The following INPP4A variants were observed in gnomAD, a reference collection of about 807,000 sequenced individuals.
INPP4A encodes inositol polyphosphate-4-phosphatase, type I, 107kD.
In INPP4A, 33 loss-of-function variants were observed where a neutral mutation model predicts 119.8. That is an observed-to-expected ratio of 0.28 (90% CI 0.21 to 0.37). The LOEUF (loss-of-function observed/expected upper bound fraction) is 0.37, where lower values mean the gene tolerates loss of function less well. INPP4A is among the 10% of genes least tolerant of loss of function. The pLI, the probability that INPP4A is intolerant of heterozygous loss-of-function variation, is 1.00. For missense variants in INPP4A, 956 were observed against 1,289.9 expected (o/e 0.74, Z 3.97); for synonymous variants, 496 against 500.7 (o/e 0.99, Z 0.12).
At chr2:98,523,391 T>C (rs1687593109) in intron 4 of INPP4A, among the ~76,000 whole-genome samples, 1 of 150,682 alleles carries the variant, frequency 6.6e-6, no homozygotes, top group East Asian at 1.9e-4. Flanking sequence ...TTTTTGTTTT[T>C]GTTTTTTTGT....
At chr2:98,506,210 A>G (rs994626444) in intron 1 of INPP4A, among the ~76,000 whole-genome samples, 6 of 152,240 alleles carry the variant, frequency 3.9e-5, no homozygotes, top group African/African-American at 1.4e-4. Context: ...GAGGAACTCT[A>G]CAACTGAAAA....
chr2:98,585,874 C>G (rs906424697), intron 24 of INPP4A, among the ~76,000 whole-genome samples: 2 of 152,178 alleles, frequency 1.3e-5, no homozygotes, highest in South Asian at 4.1e-4. Context: ...TCGCTCCTCA[C>G]GGCAGTTTAG....
chr2:98,553,187 C>T (rs998264353), intron 14 of INPP4A, among the ~76,000 whole-genome samples: 1 of 152,212 alleles, frequency 6.6e-6, no homozygotes, highest in South Asian at 2.1e-4. Context: ...GGGCTCATGA[C>T]TCTTAGGTGC....
intron 21 of INPP4A, among the ~76,000 whole-genome samples, 169 bp from the exon 22 acceptor site, chr2:98,568,402 G>A (rs758718085): frequency 2.0e-5 from 3 of 152,226 alleles, no homozygotes; most frequent in Non-Finnish European, 2.9e-5. Flanking sequence ...AAACTGATCA[G>A]CAACACTGTA....
chr2:98,576,952 C>T, intron 23 of INPP4A, 37 bp from the exon 24 acceptor site: 1 of 1,590,762 alleles, frequency 6.3e-7, no homozygotes, highest in Middle Eastern at 1.7e-4. Flanking sequence ...TTCTGTGGAG[C>T]CTCGCCTCTA....
chr2:98,567,737 A>C (rs1696731673), intron 21 of INPP4A, among the ~76,000 whole-genome samples: 1 of 152,114 alleles, frequency 6.6e-6, no homozygotes, highest in Admixed American at 6.5e-5. Context: ...TTATAAGCTG[A>C]GGGAAGAGCC....
chr2:98,454,585 C>T (rs17031912), intron 1 of INPP4A, among the ~76,000 whole-genome samples: 2,358 of 152,242 alleles, frequency 0.015, 69 homozygotes, highest in African/African-American at 0.054. Context: ...CTCCACTTGA[C>T]AGTCTTGGTA....
chr2:98,490,553 G>A (rs1680507242), intron 1 of INPP4A, among the ~76,000 whole-genome samples: 1 of 152,186 alleles, frequency 6.6e-6, no homozygotes, highest in Admixed American at 6.5e-5. Context: ...AGGTGAGGGA[G>A]TTTGACACTT....
chr2:98,573,607 C>A (rs926842489), intron 23 of INPP4A, among the ~76,000 whole-genome samples: 1 of 152,192 alleles, frequency 6.6e-6, no homozygotes, highest in African/African-American at 2.4e-5. Context: ...ACACCTCAGC[C>A]ACCACGCCTC....
chr2:98,505,421 C>A (rs1683858445), intron 1 of INPP4A, among the ~76,000 whole-genome samples: 1 of 141,878 alleles, frequency 7.0e-6, no homozygotes, highest in Non-Finnish European at 1.6e-5. Context: ...TGAGCTCGTT[C>A]ACTTTCCCTG....
intron 1 of INPP4A, among the ~76,000 whole-genome samples, chr2:98,470,661 T>G (rs897873866): frequency 6.6e-6 from 1 of 151,990 alleles, no homozygotes; most frequent in African/African-American, 2.4e-5. Flanking sequence ...AGACATTTCT[T>G]TTTTTCTTTT....
intron 17 of INPP4A, among the ~76,000 whole-genome samples, chr2:98,563,226 A>G (rs1246099273): frequency 6.6e-6 from 1 of 151,780 alleles, no homozygotes; most frequent in African/African-American, 2.4e-5. Context: ...GGTTCAGGAG[A>G]CCAGGCATGT....
At position 98,536,191 on chromosome 2, in the gene INPP4A, G is replaced by A. The variant is rs768950190; in HGVS notation, c.450G>A (p.Arg150=). The A allele has an allele frequency of 1.9e-5, 31 of 1,607,808 alleles. No homozygotes were observed. Among genetic ancestry groups the A allele is most frequent in the Admixed American group, 1.7e-4 (10 of 59,924 alleles). Residue 150 remains arginine, a synonymous_variant, in exon 7 of 25, where the codon AGG becomes AGA. Coordinates refer to ENST00000409851, the MANE Select transcript of INPP4A (RefSeq NM_001134225.2). The part of the protein sequence containing the change: ...VKDLLQDRHH[R]LHLTLRSAES... ...ATCTGCTCCAGGACAGGCATCATAG[G>A]TTGCATTTAACACTAAGGTTGGTAT...
At chr2:98,473,539 GAC>G (rs201784587) in intron 1 of INPP4A, among the ~76,000 whole-genome samples, 1,696 of 152,204 alleles carry the variant, frequency 0.011, 20 homozygotes, top group Middle Eastern at 0.027. Context: ...TAGAGGGGCT[GAC>G]ACCGTGTGGT....
At position 98,552,948 on chromosome 2, in the gene INPP4A, A is replaced by T; in HGVS notation, c.1326A>T (p.Thr442=). Residue 442 remains threonine, a synonymous_variant, in exon 14 of 25, where the codon ACA becomes ACT. Coordinates refer to ENST00000409851, the MANE Select transcript of INPP4A (RefSeq NM_001134225.2). ...KDRSATGLER[T]LAILADKTRQ... is the part of the protein sequence containing the mutation. ...GGTCTGCCACTGGCCTTGAGAGGAC[A>T]CTCGCCATCTTGGCAGACAAGGTAG... 2 of 1,611,876 alleles carry T rather than the reference A, an allele frequency of 1.2e-6. No individual in the cohort carries two copies. Among genetic ancestry groups the T allele is most frequent in the Non-Finnish European group, 1.7e-6 (2 of 1,178,670 alleles).
intron 23 of INPP4A, among the ~76,000 whole-genome samples, chr2:98,575,590 T>C (rs2106471721): frequency 6.6e-6 from 1 of 152,334 alleles, no homozygotes; most frequent in Admixed American, 6.5e-5. Flanking sequence ...CTCCTTCTGA[T>C]TGTCTTGCCT....
At chr2:98,485,287 C>T (rs1558924937) in intron 1 of INPP4A, among the ~76,000 whole-genome samples, 1 of 152,164 alleles carries the variant, frequency 6.6e-6, no homozygotes, top group Admixed American at 6.5e-5. Context: ...CTGGTTGCAG[C>T]GTGAAATATG....
At chr2:98,540,078 T>G (rs911415161) in intron 10 of INPP4A, among the ~76,000 whole-genome samples, 1 of 152,124 alleles carries the variant, frequency 6.6e-6, no homozygotes, top group Admixed American at 6.5e-5. Flanking sequence ...ATTACAGGTG[T>G]GCGCCACCAG....
chr2:98,519,885 G>T, intron 2 of INPP4A, 61 bp from the exon 3 acceptor site: 1 of 631,738 alleles, frequency 1.6e-6, no homozygotes, highest in Non-Finnish European at 2.9e-6. Context: ...CTTTCTAAAT[G>T]AGAGCATGAT....
Sources: allele counts gnomAD v4.1 joint callset (sites outside exome capture counted in the v4.1 genomes callset), GRCh38; gene constraint gnomAD v4.1.1; transcripts MANE v1.5; gene names NCBI Gene and HGNC (gene_info 2026-07-23, HGNC 2026-07-21).